LRRN1: variants seen among roughly 807,000 people sequenced by gnomAD.
The protein encoded by LRRN1 is leucine-rich repeat neuronal protein 1.
LRRN1 carries 14 observed loss-of-function variants against 45.8 expected under a neutral mutation model. That is an observed-to-expected ratio of 0.31 (90% CI 0.20 to 0.48). The LOEUF is 0.48. Among genes scored for constraint, LRRN1 ranks in the 20% least tolerant of loss-of-function variants. The pLI is 0.99. For synonymous variants in LRRN1, 359 were observed against 330.1 expected, an observed-to-expected ratio of 1.09 and a Z score of -0.95; for missense variants, 789 against 874.2, an observed-to-expected ratio of 0.90 and a Z score of 1.23.
In LRRN1 at chr3:3,845,826, G is replaced by C; in HGVS notation, c.1185G>C (p.Leu395=). The change falls in exon 2 of 2, where the codon CTG becomes CTC. Residue 395 remains leucine (L), a synonymous_variant. Coordinates refer to ENST00000319331, the MANE Select transcript of LRRN1 (RefSeq NM_020873.7). This position sits in a 1 kb window ranked among gnomAD's most constrained non-coding sequence, Gnocchi z 6.5. ...CCAACATCCGCTTCATGGAGCCCCTGTCCATGTTCTGTGCCATGCCGCCCG... is the reference window on the plus strand; with the variant it reads ...CCAACATCCGCTTCATGGAGCCCCTCTCCATGTTCTGTGCCATGCCGCCCG... ...NKTNIRFMEP[L]SMFCAMPPEY... 1.2e-6 allele frequency: 2 copies of C among 1,614,128 alleles called. No individual in the cohort carries two copies. Among genetic ancestry groups the C allele is most frequent in the Non-Finnish European group, 1.7e-6 (2 of 1,180,016 alleles).
At chr3:3,839,295 AT>A (rs1693594372) in intron 1 of LRRN1, among the ~76,000 whole-genome samples, 1 of 152,146 alleles carries the variant, frequency 6.6e-6, no homozygotes, top group Non-Finnish European at 1.5e-5. Context: ...CTTGTCAAAG[AT>A]CATAAAGAGC....
rs899562347 is a variant in LRRN1, at chr3:3,816,033, T to C, written c.-279+16114T>C. Among the ~76,000 whole-genome samples the C allele has an allele frequency of 6.6e-6, 1 of 152,164 alleles. No homozygotes were observed. Among genetic ancestry groups the C allele is most frequent in the East Asian group, 1.9e-4 (1 of 5,196 alleles). ...CAATAAAGATGATCTTATCATAGCA[T>C]TGGATTCTTTTGTATTTTAATGGTT... On this transcript the variant is annotated intron_variant, in intron 1 of 1. Transcript: ENST00000319331. This position sits in a 1 kb window ranked among gnomAD's most constrained non-coding sequence, Gnocchi z 4.0.
At chr3:3,806,755 A>T (rs1456200247) in intron 1 of LRRN1, among the ~76,000 whole-genome samples, 2 of 152,226 alleles carry the variant, frequency 1.3e-5, no homozygotes, top group African/African-American at 4.8e-5. Flanking sequence ...ACATCCTGAG[A>T]AACCAAATGT....
chr3:3,812,709 G>A (rs532158872), intron 1 of LRRN1, among the ~76,000 whole-genome samples: 14 of 151,648 alleles, frequency 9.2e-5, no homozygotes, highest in African/African-American at 3.4e-4. Context: ...TGTCTTACAT[G>A]TGTGGACTGG....
Position 3,848,334 on chromosome 3 carries a change from G to C in LRRN1, c.*1542G>C, listed in dbSNP as rs1247629790. ...TTTAGAGCAGATGGAACTAGGTTTA[G>C]GTAGAAGGCCAGTTCCACAAAGGGC... On this transcript the variant is annotated 3_prime_UTR_variant, in exon 2 of 2. Transcript: ENST00000319331. Among the ~76,000 whole-genome samples, 1 of 152,110 alleles carries C rather than the reference G, an allele frequency of 6.6e-6. No homozygotes were observed. Among genetic ancestry groups the C allele is most frequent in the Non-Finnish European group, 1.5e-5 (1 of 68,004 alleles).
intron 1 of LRRN1, among the ~76,000 whole-genome samples, chr3:3,801,917 T>C (rs969084018): frequency 2.6e-5 from 4 of 152,240 alleles, no homozygotes; most frequent in Non-Finnish European, 5.9e-5. Flanking sequence ...CGAGTTTTCT[T>C]TTAATAATTT....
chr3:3,801,587 T>C (rs977049777), intron 1 of LRRN1, among the ~76,000 whole-genome samples: 4 of 152,170 alleles, frequency 2.6e-5, no homozygotes, highest in African/African-American at 9.7e-5. Context: ...GCCTCATCCA[T>C]TCACATGAAG....
chr3:3,833,493 C>G (rs1474651339), intron 1 of LRRN1, among the ~76,000 whole-genome samples: 1 of 152,222 alleles, frequency 6.6e-6, no homozygotes, highest in Non-Finnish European at 1.5e-5. Context: ...CATTCCCAAA[C>G]CTGTTCTCCA....
rs199850493 is a variant in LRRN1 at position 3,846,469 on chromosome 3, G to A, written c.1828G>A (p.Val610Ile). The A allele has an allele frequency of 1.6e-4, 251 of 1,614,110 alleles. 1 individual carries two copies. Among genetic ancestry groups the A allele is most frequent in the Admixed American group, 2.0e-4 (12 of 60,010 alleles). ...NIHQQTQKSCVNVTTKNAAFA... is the reference protein window; with the variant it reads ...NIHQQTQKSCINVTTKNAAFA... The stretch of plus-strand genomic sequence containing the variant: ...TCATCAGCAGACTCAAAAGTCATGC[G>A]TAAATGTCACAACCAAAAATGCCGC... Residue 610 changes from valine (V) to isoleucine (I), a missense_variant, in exon 2 of 2, where the codon GTA becomes ATA. Val to Ile is a conservative substitution (Grantham distance 29). Transcript: ENST00000319331. The surrounding 1 kb of genome is among the most constrained non-coding windows in gnomAD (Gnocchi z 5.7).
At chr3:3,837,084 T>A (rs1459667295) in intron 1 of LRRN1, among the ~76,000 whole-genome samples, 1 of 152,120 alleles carries the variant, frequency 6.6e-6, no homozygotes, top group Non-Finnish European at 1.5e-5. Context: ...TTCCTTTCAC[T>A]TTCTCTGGAC....
intron 1 of LRRN1, among the ~76,000 whole-genome samples, chr3:3,835,592 T>C (rs1175407718): frequency 3.3e-5 from 5 of 151,798 alleles, no homozygotes; most frequent in Admixed American, 6.6e-5. Flanking sequence ...TGATTTTTTT[T>C]TTTTTTTTTT....
intron 1 of LRRN1, among the ~76,000 whole-genome samples, chr3:3,812,925 T>C (rs1299910543): frequency 6.6e-6 from 1 of 152,194 alleles, no homozygotes; most frequent in Non-Finnish European, 1.5e-5. Context: ...TTAGCTTAGC[T>C]TATTTTATTT....
At chr3:3,805,827 C>T (rs1047373077) in intron 1 of LRRN1, among the ~76,000 whole-genome samples, 3 of 152,186 alleles carry the variant, frequency 2.0e-5, no homozygotes, top group Non-Finnish European at 1.5e-5. Flanking sequence ...ATTTGTTCAC[C>T]TCACAAGTAT....
At chr3:3,840,816 A>G (rs1693636520) in intron 1 of LRRN1, among the ~76,000 whole-genome samples, 1 of 152,176 alleles carries the variant, frequency 6.6e-6, no homozygotes, top group African/African-American at 2.4e-5. Context: ...GAAAAATTTG[A>G]ACATTTCAAC....
At chr3:3,825,540 G>T (rs148562810) in intron 1 of LRRN1, among the ~76,000 whole-genome samples, 37 of 152,286 alleles carry the variant, frequency 2.4e-4, no homozygotes, top group Non-Finnish European at 4.0e-4. Context: ...AAATTAGGGG[G>T]AGGACAATCT....
chr3:3,801,087 C>T (rs2256233), intron 1 of LRRN1: 66,958 of 152,270 alleles, frequency 0.44, 17,317 homozygotes, highest in Non-Finnish European at 0.58. Flanking sequence ...GCCCGGATGC[C>T]GGATCCAGGA....
At chr3:3,840,747 G>C (rs1050741969) in intron 1 of LRRN1, among the ~76,000 whole-genome samples, 1 of 152,156 alleles carries the variant, frequency 6.6e-6, no homozygotes, top group South Asian at 2.1e-4. Context: ...CTAACATTCT[G>C]AGTTTCCATG....
intron 1 of LRRN1, among the ~76,000 whole-genome samples, chr3:3,839,226 C>A (rs1209869834): frequency 1.3e-5 from 2 of 152,050 alleles, no homozygotes; most frequent in African/African-American, 4.8e-5. Context: ...ATGTAGATAT[C>A]CAGTTTTCCT....
intron 1 of LRRN1, chr3:3,801,374 G>T (rs567563503): frequency 7.9e-5 from 12 of 152,200 alleles, no homozygotes; most frequent in Non-Finnish European, 1.8e-4. Context: ...GTTTTGTTTT[G>T]TCTTGCCATG....
Sources: gnomAD v4.1 joint callset for allele counts (sites outside exome capture counted in the v4.1 genomes callset) on GRCh38, gnomAD v4.1.1 for gene constraint, Gnocchi (gnomAD v3.1) non-coding constraint, MANE v1.5 for transcripts, NCBI Gene and HGNC (gene_info 2026-07-23, HGNC 2026-07-21) for gene names.